The following IL1RAPL1 variants were observed in gnomAD, a reference collection of about 807,000 sequenced individuals.
IL1RAPL1 encodes the protein interleukin 1 receptor accessory protein like 1, also known as interleukin-1 receptor accessory protein-like 1.
In IL1RAPL1, 3 loss-of-function variants were observed where a neutral mutation model predicts 48.4. That is an observed-to-expected ratio of 0.06 (90% CI 0.03 to 0.16). The LOEUF (loss-of-function observed/expected upper bound fraction) is 0.16, where lower values mean the gene tolerates loss of function less well. Ranked by LOEUF, IL1RAPL1 falls within the 10% of genes least tolerant of loss-of-function variation. IL1RAPL1 has a pLI of 1.00. For missense variants in IL1RAPL1, 349 were observed against 530.6 expected, an observed-to-expected ratio of 0.66 and a Z score of 3.36; for synonymous variants, 185 against 187.7, an observed-to-expected ratio of 0.99 and a Z score of 0.12.
At chrX:29,507,899 TG>T (rs1252521567) in intron 5 of IL1RAPL1, among the ~76,000 whole-genome samples, 2 of 111,905 alleles carry the variant, frequency 1.8e-5, no homozygotes, top group East Asian at 2.8e-4. Flanking sequence ...ACTTTTTTTT[TG>T]GACTTAGCTT....
rs200706524 is a variant in IL1RAPL1, at chrX:29,326,748, C to A, written c.362+43531C>A. Among the ~76,000 whole-genome samples, 29 of 111,483 alleles carry A rather than the reference C, an allele frequency of 2.6e-4. No homozygotes were observed. In the East Asian group the frequency reaches 5.0e-3, roughly 19 times the overall value. ...GCACAATGACTCTGCACATAAGTGG[C>A]CTATTATTATTTTCATTGTCCAGTT... On this transcript the variant is annotated intron_variant, in intron 3 of 10. Coordinates refer to ENST00000378993, the MANE Select transcript of IL1RAPL1 (RefSeq NM_014271.4).
chrX:29,712,700 G>A (rs1325118354), intron 6 of IL1RAPL1, among the ~76,000 whole-genome samples: 1 of 111,785 alleles, frequency 8.9e-6, no homozygotes, highest in Non-Finnish European at 1.9e-5. Context: ...TATTTCTTGT[G>A]GAGTCTACAT....
At chrX:29,801,516 A>G (rs73456441) in intron 6 of IL1RAPL1, among the ~76,000 whole-genome samples, 3,284 of 111,685 alleles carry the variant, frequency 0.029, 121 homozygotes, top group African/African-American at 0.099. Context: ...TTAAAAAGAG[A>G]GAGATTTATC....
chrX:29,285,524 C>CAAA (rs778913919), intron 3 of IL1RAPL1, among the ~76,000 whole-genome samples: 116 of 11,589 alleles, frequency 0.01, 23 homozygotes, highest in African/African-American at 0.026. Flanking sequence ...AACTCCGTCT[C>CAAA]AAAAAAAAAA....
At position 29,956,042 on chromosome X, in the gene IL1RAPL1, TTA is replaced by T. The variant is rs761258776; in HGVS notation, c.*226_*227del. 152 of 413,374 alleles carry T rather than the reference TTA, an allele frequency of 3.7e-4. No individual in the cohort carries two copies. Among genetic ancestry groups the T allele is most frequent in the Non-Finnish European group, 6.1e-4 (146 of 238,102 alleles). The allele number at this position is 413,374 out of a possible 1,213,427, so 34.1% of individuals were successfully genotyped here. ...TACCATTACATTTTTTGACTTTGTTTTATATGTCGTTGGAATTTGTAAATTTA... is the reference window on the plus strand; with the variant it reads ...TACCATTACATTTTTTGACTTTGTTTTATGTCGTTGGAATTTGTAAATTTA... On this transcript the variant is annotated 3_prime_UTR_variant, in exon 11 of 11. Transcript: ENST00000378993.
At chrX:29,201,431 AT>A (rs1293736876) in intron 2 of IL1RAPL1, among the ~76,000 whole-genome samples, 1 of 111,709 alleles carries the variant, frequency 9.0e-6, no homozygotes, top group Admixed American at 9.6e-5. Context: ...TTAAAAAAAA[AT>A]ATGACGTTGT....
chrX:29,951,989 T>A (rs1014968597), intron 9 of IL1RAPL1, among the ~76,000 whole-genome samples: 2 of 111,824 alleles, frequency 1.8e-5, no homozygotes, highest in Non-Finnish European at 3.8e-5. Context: ...GCAGAAAACA[T>A]CTTGCAGAAA....
chrX:29,676,623 A>G (rs1301855844), intron 6 of IL1RAPL1, among the ~76,000 whole-genome samples: 1 of 111,948 alleles, frequency 8.9e-6, no homozygotes, highest in Non-Finnish European at 1.9e-5. Context: ...TTATTTAAAG[A>G]AAATGATAAT....
At chrX:29,364,726 G>A (rs1293922729) in intron 3 of IL1RAPL1, among the ~76,000 whole-genome samples, 1 of 111,053 alleles carries the variant, frequency 9.0e-6, no homozygotes, top group African/African-American at 3.3e-5. Context: ...ATTAGGTATT[G>A]TAAGTAATCC....
chrX:28,602,547 A>G (rs764622459), intron 1 of IL1RAPL1, among the ~76,000 whole-genome samples: 195 of 112,272 alleles, frequency 1.7e-3, no homozygotes, highest in Middle Eastern at 4.6e-3. Flanking sequence ...ATCAGACGCT[A>G]TTTAAACCTC....
At position 29,904,660 on chromosome X, in the gene IL1RAPL1, T is replaced by C. The variant is rs765133758; in HGVS notation, c.779-12804T>C. On this transcript the variant is annotated intron_variant, in intron 6 of 10. Transcript: ENST00000378993. ...TCCTGTGTTAGTTTGCTGAGGATGA[T>C]GGCTTCCAGCTTCATCCATGTCCCT... Among the ~76,000 whole-genome samples, 15 of 111,651 alleles carry C rather than the reference T, an allele frequency of 1.3e-4. No individual in the cohort carries two copies. In the East Asian group the frequency reaches 3.4e-3, roughly 25 times the overall value.
chrX:28,967,824 T>G (rs751589169), intron 2 of IL1RAPL1, among the ~76,000 whole-genome samples: 2 of 112,524 alleles, frequency 1.8e-5, no homozygotes, highest in African/African-American at 6.4e-5. Context: ...GTCTTCCACC[T>G]TAAAGATTAT....
intron 2 of IL1RAPL1, among the ~76,000 whole-genome samples, chrX:29,109,597 A>G (rs2147469304): frequency 9.0e-6 from 1 of 111,330 alleles, no homozygotes; most frequent in Non-Finnish European, 1.9e-5. Flanking sequence ...GCCTGTGGGT[A>G]GAGGACAGAG....
At chrX:28,868,550 C>T (rs775545784) in intron 2 of IL1RAPL1, among the ~76,000 whole-genome samples, 15 of 111,087 alleles carry the variant, frequency 1.4e-4, no homozygotes, top group Non-Finnish European at 2.8e-4. Flanking sequence ...GTACTCCTTG[C>T]CAGCAATCAT....
rs1392586901 is a variant in IL1RAPL1, at chrX:28,995,618, A to G, written c.82+206193A>G. Among the ~76,000 whole-genome samples the G allele has an allele frequency of 4.5e-5, 5 of 111,474 alleles. No homozygotes were observed. The Admixed American group carries it at 4.8e-4, about 11-fold the overall frequency. On this transcript the variant is annotated intron_variant, in intron 2 of 10. Transcript: ENST00000378993. Reference sequence around the variant, plus strand: ...ATTATAAATTCCCAGTCATTAGCATAAGGATTTAGTGACAGATCTGAGGTT... The same window carrying G: ...ATTATAAATTCCCAGTCATTAGCATGAGGATTTAGTGACAGATCTGAGGTT...
intron 3 of IL1RAPL1, among the ~76,000 whole-genome samples, chrX:29,334,375 GC>G (rs1228176386): frequency 4.1e-5 from 4 of 98,305 alleles, no homozygotes; most frequent in Non-Finnish European, 8.3e-5. Flanking sequence ...GGGCAGAGGG[GC>G]TCCTCACTTC....
intron 5 of IL1RAPL1, among the ~76,000 whole-genome samples, chrX:29,564,101 C>G (rs1922324308): frequency 9.0e-6 from 1 of 111,543 alleles, no homozygotes; most frequent in African/African-American, 3.3e-5. Flanking sequence ...TTTATTGGAA[C>G]TGTGAGTAAG....
intron 2 of IL1RAPL1, among the ~76,000 whole-genome samples, chrX:29,097,778 G>T (rs992961133): frequency 3.6e-5 from 4 of 111,799 alleles, no homozygotes; most frequent in African/African-American, 1.3e-4. Context: ...CCTCTTATGT[G>T]CAATTGTCTT....
At chrX:28,808,468 A>T (rs1207699127) in intron 2 of IL1RAPL1, among the ~76,000 whole-genome samples, 1 of 110,903 alleles carries the variant, frequency 9.0e-6, no homozygotes, top group Non-Finnish European at 1.9e-5. Flanking sequence ...GCATTAATAC[A>T]TGAAGAGTTA....
Sources: allele counts gnomAD v4.1 joint callset (sites outside exome capture counted in the v4.1 genomes callset), GRCh38; gene constraint gnomAD v4.1.1; transcripts MANE v1.5; gene names NCBI Gene and HGNC (gene_info 2026-07-23, HGNC 2026-07-21).